VAC14: variants seen among roughly 807,000 people sequenced by gnomAD.
VAC14 encodes VAC14 component of PIKFYVE complex, also known as protein VAC14 homolog.
VAC14 carries 47 observed loss-of-function variants against 85.3 expected under a neutral mutation model. That is an observed-to-expected ratio of 0.55 (90% CI 0.44 to 0.70). VAC14 has a LOEUF of 0.70. VAC14 is among the 30% of genes least tolerant of loss of function. VAC14 has a pLI of 0.00. For missense variants in VAC14, 861 were observed against 1,004.3 expected (o/e 0.86, Z 1.93); for synonymous variants, 447 against 430.5 (o/e 1.04, Z -0.47).
intron 14 of VAC14, among the ~76,000 whole-genome samples, chr16:70,724,424 A>G (rs1021909771): frequency 3.3e-5 from 5 of 152,178 alleles, no homozygotes; most frequent in African/African-American, 9.7e-5. Flanking sequence ...CTAGGGAACA[A>G]TGGAATGCAG....
chr16:70,780,692 G>A (rs906122461), intron 9 of VAC14, 98 bp downstream of exon 9: 9 of 1,430,662 alleles, frequency 6.3e-6, no homozygotes, highest in Non-Finnish European at 7.5e-6. Context: ...ACATAAAGTA[G>A]TCCTGGTTGC....
At chr16:70,725,795 G>A (rs1330149649) in intron 14 of VAC14, among the ~76,000 whole-genome samples, 2 of 152,196 alleles carry the variant, frequency 1.3e-5, no homozygotes, top group African/African-American at 4.8e-5. Context: ...CCAAATGCCC[G>A]CCTCATCTTA....
At chr16:70,691,406 G>C (rs557297407) in intron 18 of VAC14, 675 of 985,456 alleles carry the variant, frequency 6.8e-4, no homozygotes, top group South Asian at 2.9e-3. Context: ...TAACACTATG[G>C]GGCGTTGAAG....
chr16:70,780,701 G>C lies in VAC14; in HGVS notation c.1096+89C>G. On this transcript the variant is annotated intron_variant, in intron 9 of 18. Transcript: ENST00000261776. ...TGACATACATAAAGTAGTCCTGGTT[G>C]CTTAAGTGAGGCCCCAAGGCAACTC... 15 of 1,466,620 alleles carry C rather than the reference G, an allele frequency of 1.0e-5. No homozygotes were observed. In the South Asian group the frequency reaches 2.0e-4, roughly 20 times the overall value. 90.9% of individuals were successfully genotyped at this position (1,466,620 alleles called of 1,614,324 possible).
At chr16:70,717,718 C>G (rs142421080) in intron 14 of VAC14, among the ~76,000 whole-genome samples, 1 of 152,150 alleles carries the variant, frequency 6.6e-6, no homozygotes, top group African/African-American at 2.4e-5. Flanking sequence ...TGCAGTGGCA[C>G]GATCTCAGCT....
chr16:70,701,711 G>C (rs1333962931), intron 14 of VAC14, among the ~76,000 whole-genome samples: 4 of 152,192 alleles, frequency 2.6e-5, no homozygotes, highest in African/African-American at 9.6e-5. Flanking sequence ...TTTGCTAGCG[G>C]CTTCCGCCTG....
At chr16:70,689,585 C>A in intron 18 of VAC14, 1 of 985,696 alleles carries the variant, frequency 1.0e-6, no homozygotes, top group Non-Finnish European at 1.2e-6. Flanking sequence ...TCTGCCTGCC[C>A]ACACCTGTTC....
At position 70,724,249 on chromosome 16, in the gene VAC14, T is replaced by C. The variant is rs756631920; in HGVS notation, c.1661+7246A>G. ...CATTTTGCAGGAGAAAAGCCATCCC[T>C]TGTTACAGGGAGTGCCAGTGTGTAT... On this transcript the variant is annotated intron_variant, in intron 14 of 18. Coordinates refer to ENST00000261776, the MANE Select transcript of VAC14 (RefSeq NM_018052.5). 2.0e-5 allele frequency among the ~76,000 whole-genome samples: 3 copies of C among 152,280 alleles called. No individual in the cohort carries two copies. In the South Asian group the frequency reaches 6.2e-4, roughly 32 times the overall value.
intron 18 of VAC14, chr16:70,688,389 G>C: frequency 9.5e-7 from 1 of 1,057,208 alleles, no homozygotes; most frequent in Non-Finnish European, 1.1e-6. Context: ...TCCTGTTTAC[G>C]AGTGGCTCCC....
At chr16:70,750,631 A>C (rs1015510384) in intron 12 of VAC14, among the ~76,000 whole-genome samples, 1 of 151,914 alleles carries the variant, frequency 6.6e-6, no homozygotes, top group African/African-American at 2.4e-5. Context: ...GTGACTTTAC[A>C]CCAGCAAAGG....
chr16:70,770,166 G>A (rs1268637804), intron 10 of VAC14: 1 of 152,312 alleles, frequency 6.6e-6, no homozygotes, highest in Non-Finnish European at 1.5e-5. Context: ...CACTAGGATA[G>A]CGGGGGTCTG....
intron 17 of VAC14, among the ~76,000 whole-genome samples, chr16:70,693,345 G>C (rs115328006): frequency 0.019 from 2,937 of 152,316 alleles, 101 homozygotes; most frequent in African/African-American, 0.068. Flanking sequence ...CTGGTGATAC[G>C]AGGGCTCGGG....
intron 12 of VAC14, chr16:70,761,382 G>A (rs2143057347): frequency 4.7e-6 from 1 of 211,344 alleles, no homozygotes; most frequent in African/African-American, 2.4e-5. Flanking sequence ...AGCTCACAGT[G>A]CCTTGGCGCT....
At position 70,783,436 on chromosome 16, in the gene VAC14, T is replaced by G. The variant is rs756197365; in HGVS notation, c.704+9A>C. 4 of 1,613,674 alleles carry G rather than the reference T, an allele frequency of 2.5e-6. No individual in the cohort carries two copies. Among genetic ancestry groups the G allele is most frequent in the South Asian group, 1.1e-5 (1 of 91,072 alleles). ...GAGGCAGCAGCTTCCTGCCCCTTAC[T>G]CCACTCACATTTTGCGAATCTCTTT... On this transcript the variant is annotated intron_variant, in intron 6 of 18. Coordinates refer to ENST00000261776, the MANE Select transcript of VAC14 (RefSeq NM_018052.5).
intron 12 of VAC14, among the ~76,000 whole-genome samples, chr16:70,757,973 C>T (rs978517721): frequency 6.6e-5 from 10 of 152,208 alleles, no homozygotes; most frequent in African/African-American, 2.4e-4. Flanking sequence ...GAACCCAAAG[C>T]CCGTGCTCTT....
At chr16:70,734,101 T>C (rs1597904160) in intron 13 of VAC14, among the ~76,000 whole-genome samples, 1 of 152,244 alleles carries the variant, frequency 6.6e-6, no homozygotes, top group African/African-American at 2.4e-5. Context: ...GGATTACAAG[T>C]GTGAGCCACT....
intron 15 of VAC14, 146 bp downstream of exon 15, chr16:70,698,491 T>A: frequency 1.0e-6 from 1 of 987,882 alleles, no homozygotes; most frequent in South Asian, 1.6e-5. Context: ...GGGATCCCTA[T>A]TTCCCAGTGG....
At chr16:70,726,734 C>T (rs2054440130) in intron 14 of VAC14, among the ~76,000 whole-genome samples, 1 of 152,220 alleles carries the variant, frequency 6.6e-6, no homozygotes, top group Non-Finnish European at 1.5e-5. Flanking sequence ...TTCGCTCTAT[C>T]TGTGAGCTTG....
At chr16:70,738,009 C>A (rs564470714) in intron 13 of VAC14, among the ~76,000 whole-genome samples, 1 of 152,182 alleles carries the variant, frequency 6.6e-6, no homozygotes, top group Non-Finnish European at 1.5e-5. Context: ...GGCCAGAGGC[C>A]GCTCAGGGGA....
Sources: gnomAD v4.1 joint callset for allele counts (sites outside exome capture counted in the v4.1 genomes callset) on GRCh38, gnomAD v4.1.1 for gene constraint, MANE v1.5 for transcripts, NCBI Gene and HGNC (gene_info 2026-07-23, HGNC 2026-07-21) for gene names.